The following ACLY variants were observed in gnomAD, a reference collection of about 807,000 sequenced individuals.
ACLY encodes ATP-citrate synthase.
A neutral mutation model predicts 133.0 loss-of-function variants in ACLY; 41 were observed. That is an observed-to-expected ratio of 0.31 (90% confidence interval 0.24 to 0.40). The LOEUF (loss-of-function observed/expected upper bound fraction) is 0.40. Among genes scored for constraint, ACLY ranks in the 10% least tolerant of loss-of-function variants. The probability of loss-of-function intolerance (pLI) is 1.00; values close to 1 mark genes in which losing one functional copy is unlikely to be tolerated. For synonymous variants in ACLY, 495 were observed against 549.3 expected (o/e 0.90, Z 1.38); for missense variants, 1,046 against 1,453.8 (o/e 0.72, Z 4.56).
intron 20 of ACLY, among the ~76,000 whole-genome samples, chr17:41,881,153 GGTGCGGTAACTCAC>G (rs1555627256): frequency 1.3e-5 from 2 of 152,016 alleles, no homozygotes; most frequent in Non-Finnish European, 2.9e-5. Flanking sequence ...GAATCGGCTG[GGTGCGGTAACTCAC>G]GGCTGTAATC....
chr17:41,890,732 G>A (rs2049183361), intron 16 of ACLY, among the ~76,000 whole-genome samples: 1 of 150,292 alleles, frequency 6.7e-6, no homozygotes, highest in Admixed American at 6.8e-5. Flanking sequence ...CAGGTGCAGT[G>A]GCTCACTCCT....
intron 25 of ACLY, chr17:41,870,252 G>C (rs1305319716): frequency 6.6e-6 from 1 of 152,376 alleles, no homozygotes; most frequent in Non-Finnish European, 1.5e-5. Context: ...CTTAGAAAGA[G>C]GCTCTGTGCT....
At chr17:41,895,880 G>A (rs1555630220) in intron 14 of ACLY, among the ~76,000 whole-genome samples, 2 of 152,146 alleles carry the variant, frequency 1.3e-5, no homozygotes, top group Admixed American at 1.3e-4. Context: ...AAAGTTAAAT[G>A]GACGCTCTGA....
At chr17:41,887,127 GAAA>G (rs535668437) in intron 17 of ACLY, among the ~76,000 whole-genome samples, 23 of 110,362 alleles carry the variant, frequency 2.1e-4, no homozygotes, top group African/African-American at 8.8e-4. Context: ...CCGTCTCAAA[GAAA>G]AAAAAAAAAA....
chr17:41,890,050 T>C (rs1479262306), intron 16 of ACLY, among the ~76,000 whole-genome samples: 1 of 152,144 alleles, frequency 6.6e-6, no homozygotes, highest in African/African-American at 2.4e-5. Context: ...TATAGGCAAA[T>C]GTTAATCCGA....
intron 18 of ACLY, among the ~76,000 whole-genome samples, chr17:41,885,253 T>G (rs1178704825): frequency 6.6e-6 from 1 of 152,144 alleles, no homozygotes; most frequent in African/African-American, 2.4e-5. Flanking sequence ...CTAGACTTAT[T>G]CCCTGAGCCT....
intron 1 of ACLY, among the ~76,000 whole-genome samples, chr17:41,928,849 C>T (rs2144469312): frequency 1.0e-5 from 1 of 95,906 alleles, no homozygotes. Context: ...TGAGACTCCA[C>T]CATAAAAAAA....
chr17:41,873,995 G>A, intron 22 of ACLY, 30 bp from the exon 23 acceptor site: 2 of 1,561,576 alleles, frequency 1.3e-6, no homozygotes, highest in South Asian at 1.2e-5. Context: ...AGGGAAGCAG[G>A]GCCCTGGTGA....
chr17:41,872,051 G>T lies in ACLY; in HGVS notation c.2774C>A (p.Thr925Asn). Reference protein sequence around the residue: ...RAGKDLVSSLTSGLLTIGDRF... With the variant: ...RAGKDLVSSLNSGLLTIGDRF... The stretch of plus-strand genomic sequence containing the variant: ...ACTTACGATGGTGAGCAGCCCCGAG[G>T]TGAGGCTGGAGACCAGGTCTTTCCC... The change falls in exon 24 of 29, where the codon ACC becomes AAC. Residue 925 changes from threonine (T) to asparagine (N), a missense_variant. By Grantham distance (65) the Thr-to-Asn change is moderately conservative. Transcript: ENST00000352035. 3 of 1,613,976 alleles carry T rather than the reference G, an allele frequency of 1.9e-6. No individual in the cohort carries two copies. In the South Asian group the frequency reaches 3.3e-5, roughly 18 times the overall value.
At chr17:41,916,642 T>C (rs943683824) in intron 1 of ACLY, among the ~76,000 whole-genome samples, 8 of 151,522 alleles carry the variant, frequency 5.3e-5, no homozygotes, top group African/African-American at 7.3e-5. Context: ...CCCAAAGTGC[T>C]GGGATTTACA....
chr17:41,922,482 C>T (rs1363810722), upstream of ACLY, among the ~76,000 whole-genome samples: 5 of 148,398 alleles, frequency 3.4e-5, no homozygotes, highest in Non-Finnish European at 7.4e-5. Context: ...AAGACAAATA[C>T]ACTCCTGGGG....
intron 17 of ACLY, among the ~76,000 whole-genome samples, chr17:41,887,102 TA>T: frequency 9.2e-6 from 1 of 108,172 alleles, no homozygotes; most frequent in Non-Finnish European, 1.8e-5. Context: ...CCAGCCTAGG[TA>T]ACAGGGCAAG....
chr17:41,876,562 G>A (rs1167411603), intron 22 of ACLY, among the ~76,000 whole-genome samples: 6 of 152,340 alleles, frequency 3.9e-5, no homozygotes, highest in Admixed American at 3.3e-4. Context: ...ATTTTGTTCT[G>A]TACTAAGAAA....
At chr17:41,872,806 C>T (rs542184338) in intron 23 of ACLY, among the ~76,000 whole-genome samples, 13 of 152,150 alleles carry the variant, frequency 8.5e-5, no homozygotes, top group Non-Finnish European at 1.8e-4. Context: ...AGGCCCCATG[C>T]CTCATTCCTG....
rs782308611 is a variant in ACLY, at chr17:41,872,190, G to T, written c.2643-8C>A. ...CAAGAGTACTTAGGCAACCTGGAGT[G>T]GGGGGAACAAAGGCCAGGAGATGGT... On this transcript the variant is annotated splice_polypyrimidine_tract_variant and splice_region_variant and intron_variant, in intron 23 of 28. Transcript: ENST00000352035. 7 of 1,549,302 alleles carry T rather than the reference G, an allele frequency of 4.5e-6. No homozygotes were observed. In the South Asian group the frequency reaches 5.6e-5, roughly 12 times the overall value.
At chr17:41,875,080 G>C (rs2048698797) in intron 22 of ACLY, among the ~76,000 whole-genome samples, 1 of 152,048 alleles carries the variant, frequency 6.6e-6, no homozygotes, top group African/African-American at 2.4e-5. Context: ...AGGGCACAGT[G>C]GCTTATGCCT....
Position 41,907,486 on chromosome 17 carries a change from C to T in ACLY, c.703G>A (p.Asp235Asn), listed in dbSNP as rs1555632887. 7 of 1,613,990 alleles carry T rather than the reference C, an allele frequency of 4.3e-6. No individual in the cohort carries two copies. Among genetic ancestry groups the T allele is most frequent in the African/African-American group, 1.3e-5 (1 of 74,982 alleles). Reference protein sequence around the residue: ...ADYICKVKWGDIEFPPPFGRE... With the variant: ...ADYICKVKWGNIEFPPPFGRE... ...CCGAAGGGGGGAGGGAACTCGATGT[C>T]ACCCCACTTCACTTTGCAGATGTAG... Residue 235 changes from aspartate to asparagine, a missense_variant, in exon 7 of 29, where the codon GAC becomes AAC. This residue lies in a region of ACLY where 575 missense variants were observed against 804.2 expected (regional missense o/e 0.71). Transcript: ENST00000352035.
intron 23 of ACLY, 33 bp downstream of exon 23, chr17:41,873,778 A>T: frequency 6.6e-7 from 1 of 1,517,860 alleles, no homozygotes. Context: ...TCTGAGCTGC[A>T]GGGCCCTGTA....
chr17:41,868,614 A>C, intron 28 of ACLY, 95 bp downstream of exon 28: 1 of 527,430 alleles, frequency 1.9e-6, no homozygotes, highest in Non-Finnish European at 2.9e-6. Flanking sequence ...AAAAAAAAAA[A>C]AGAAAGAAAA....
Sources: gnomAD v4.1 joint callset for allele counts (sites outside exome capture counted in the v4.1 genomes callset) on GRCh38, gnomAD v4.1.1 for gene constraint, gnomAD v4.1.1 regional missense constraint, MANE v1.5 for transcripts, NCBI Gene and HGNC (gene_info 2026-07-23, HGNC 2026-07-21) for gene names.